Variants in MYO6 observed in about 807,000 individuals in gnomAD.
The protein encoded by MYO6 is unconventional myosin-VI.
In MYO6, 74 loss-of-function variants were observed where a neutral mutation model predicts 178.7. The ratio of observed to expected loss-of-function variants is 0.41; its 90% CI spans 0.34 to 0.50. The LOEUF is 0.50. Among genes scored for constraint, MYO6 ranks in the 20% least tolerant of loss-of-function variants. The pLI is 0.09. For synonymous variants in MYO6, 477 were observed against 504.6 expected (o/e 0.95, Z 0.73); for missense variants, 1,330 against 1,547.4 (o/e 0.86, Z 2.36).
intron 13 of MYO6, 129 bp from the exon 14 acceptor site, chr6:75,858,773 A>G (rs536299270): frequency 1.5e-6 from 1 of 646,756 alleles, no homozygotes; most frequent in Admixed American, 2.8e-5. Flanking sequence ...AGTATAGAAC[A>G]AATATATATA....
intron 1 of MYO6, among the ~76,000 whole-genome samples, chr6:75,802,479 A>T (rs1769577035): frequency 8.6e-6 from 1 of 116,468 alleles, no homozygotes; most frequent in Non-Finnish European, 1.8e-5. Context: ...AAAAAAAAAA[A>T]TTTTTTTTTT....
At chr6:75,902,804 T>C (rs541241744) in intron 30 of MYO6, among the ~76,000 whole-genome samples, 1 of 151,376 alleles carries the variant, frequency 6.6e-6, no homozygotes, top group African/African-American at 2.4e-5. Flanking sequence ...TCTAGTTCTT[T>C]TAATTGTGAT....
chr6:75,914,710 A>G (rs1198867957), intron 34 of MYO6, 103 bp from the exon 35 acceptor site: 2 of 1,122,886 alleles, frequency 1.8e-6, no homozygotes, highest in Non-Finnish European at 2.6e-6. Flanking sequence ...AGTCTTAGGA[A>G]GTTTTCAAAT....
At chr6:75,810,929 C>G (rs989563038) in intron 1 of MYO6, among the ~76,000 whole-genome samples, 28 of 152,154 alleles carry the variant, frequency 1.8e-4, no homozygotes, top group Non-Finnish European at 7.3e-5. Context: ...ATTGCCTGAG[C>G]CCAGGAGTTC....
At chr6:75,812,042 A>G (rs933531712) in intron 1 of MYO6, among the ~76,000 whole-genome samples, 6 of 152,180 alleles carry the variant, frequency 3.9e-5, no homozygotes, top group African/African-American at 1.4e-4. Flanking sequence ...TTCCAGAGAC[A>G]AGGTCTTACT....
intron 2 of MYO6, among the ~76,000 whole-genome samples, chr6:75,818,419 T>A (rs1452654350): frequency 6.6e-6 from 1 of 152,216 alleles, no homozygotes; most frequent in Non-Finnish European, 1.5e-5. Context: ...TTCTTTTGGT[T>A]CCACAATTGG....
chr6:75,891,389 T>C (rs1778890318), intron 27 of MYO6, 83 bp downstream of exon 27: 2 of 1,025,008 alleles, frequency 2.0e-6, no homozygotes, highest in East Asian at 2.9e-5. Flanking sequence ...TCCCAGCTCT[T>C]TGGGAGGCCG....
At chr6:75,810,406 G>A (rs1474056266) in intron 1 of MYO6, among the ~76,000 whole-genome samples, 1 of 152,202 alleles carries the variant, frequency 6.6e-6, no homozygotes, top group Non-Finnish European at 1.5e-5. Context: ...CTGTACCAGA[G>A]TCAGGTTGAA....
intron 7 of MYO6, among the ~76,000 whole-genome samples, chr6:75,836,598 T>G (rs921142530): frequency 6.6e-6 from 1 of 151,832 alleles, no homozygotes; most frequent in Non-Finnish European, 1.5e-5. Context: ...TTTTTTTTTT[T>G]TTGAGGTGGA....
chr6:75,897,391 A>G (rs1779386567), intron 29 of MYO6, among the ~76,000 whole-genome samples: 1 of 152,228 alleles, frequency 6.6e-6, no homozygotes, highest in South Asian at 2.1e-4. Context: ...GCTGTCCTTC[A>G]CTGTCAGCTT....
intron 1 of MYO6, among the ~76,000 whole-genome samples, chr6:75,791,241 G>T (rs894946729): frequency 2.6e-5 from 4 of 152,110 alleles, no homozygotes; most frequent in Non-Finnish European, 4.4e-5. Flanking sequence ...CCTAATAGCT[G>T]TATTTTTAAT....
chr6:75,786,753 T>C (rs1415360141), intron 1 of MYO6, among the ~76,000 whole-genome samples: 1 of 152,198 alleles, frequency 6.6e-6, no homozygotes, highest in East Asian at 1.9e-4. Context: ...TCTCTGTACA[T>C]ATACATACAT....
chr6:75,871,713 A>G lies in MYO6; in HGVS notation c.1983+1028A>G, dbSNP rs534568559. Among the ~76,000 whole-genome samples the G allele has an allele frequency of 3.3e-5, 5 of 152,280 alleles. No homozygotes were observed. The South Asian group carries it at 1.0e-3, about 32-fold the overall frequency. On this transcript the variant is annotated intron_variant, in intron 19 of 34. Transcript: ENST00000369977. ...ATATCTATCTCTTAAGGCCATGTAT[A>G]TTTAAAAACCAAATCTGATGAAGAG...
chr6:75,806,784 A>G (rs1366529721), intron 1 of MYO6, among the ~76,000 whole-genome samples: 1 of 152,244 alleles, frequency 6.6e-6, no homozygotes, highest in Non-Finnish European at 1.5e-5. Flanking sequence ...CTTTTAGTTA[A>G]TCTAATGTCT....
At chr6:75,879,621 A>G (rs1490372763) in intron 20 of MYO6, among the ~76,000 whole-genome samples, 199 bp from the exon 21 acceptor site, 1 of 152,178 alleles carries the variant, frequency 6.6e-6, no homozygotes, top group East Asian at 1.9e-4. Flanking sequence ...GTTTACAGGA[A>G]ATTTGACTAT....
At chr6:75,785,147 A>T (rs1767408289) in intron 1 of MYO6, among the ~76,000 whole-genome samples, 2 of 152,240 alleles carry the variant, frequency 1.3e-5, no homozygotes, top group Admixed American at 1.3e-4. Flanking sequence ...AGAGAGAGGG[A>T]TGTATATTAA....
chr6:75,850,377 G>T (rs1040769167), intron 11 of MYO6, among the ~76,000 whole-genome samples: 1 of 152,134 alleles, frequency 6.6e-6, no homozygotes, highest in African/African-American at 2.4e-5. Flanking sequence ...TGAGGTAGGG[G>T]ATATTATCTC....
intron 30 of MYO6, among the ~76,000 whole-genome samples, chr6:75,907,404 C>T (rs915908173): frequency 3.3e-5 from 5 of 152,220 alleles, no homozygotes; most frequent in East Asian, 1.9e-4. Context: ...ATGTGACTAT[C>T]GAGTGGCATG....
At chr6:75,782,230 C>G (rs574920833) in intron 1 of MYO6, among the ~76,000 whole-genome samples, 1 of 152,208 alleles carries the variant, frequency 6.6e-6, no homozygotes, top group African/African-American at 2.4e-5. Flanking sequence ...AATGCAATTA[C>G]TGTACACATT....
Sources: allele counts gnomAD v4.1 joint callset (sites outside exome capture counted in the v4.1 genomes callset), GRCh38; gene constraint gnomAD v4.1.1; transcripts MANE v1.5; gene names NCBI Gene and HGNC (gene_info 2026-07-23, HGNC 2026-07-21).